CASD1: variants seen among roughly 807,000 people sequenced by gnomAD.
CASD1 encodes CAS1 domain sialic acid O acetyltransferase 1.
CASD1 carries 41 observed loss-of-function variants against 100.0 expected under a neutral mutation model. That is an observed-to-expected ratio of 0.41 (90% CI 0.32 to 0.53). The LOEUF (loss-of-function observed/expected upper bound fraction) is 0.53. Among genes scored for constraint, CASD1 ranks in the 20% least tolerant of loss-of-function variants. The probability of loss-of-function intolerance (pLI) is 0.25; values close to 1 mark genes in which losing one functional copy is unlikely to be tolerated. For synonymous variants in CASD1, 321 were observed against 315.6 expected (o/e 1.02, Z -0.18); for missense variants, 774 against 948.7 (o/e 0.82, Z 2.42).
At chr7:94,542,936 CTT>C (rs1334467303) in intron 10 of CASD1, among the ~76,000 whole-genome samples, 6 of 152,058 alleles carry the variant, frequency 3.9e-5, no homozygotes, top group Non-Finnish European at 7.4e-5. Flanking sequence ...AATAAAAACT[CTT>C]TGTTTGATAT....
intron 4 of CASD1, among the ~76,000 whole-genome samples, 163 bp downstream of exon 4, chr7:94,527,369 AT>A (rs1794628447): frequency 6.6e-6 from 1 of 152,208 alleles, no homozygotes; most frequent in Non-Finnish European, 1.5e-5. Context: ...TGGTCTCAAA[AT>A]TTTATTTGGA....
intron 10 of CASD1, among the ~76,000 whole-genome samples, chr7:94,543,249 G>A (rs1795505125): frequency 1.3e-5 from 2 of 152,150 alleles, no homozygotes; most frequent in South Asian, 2.1e-4. Flanking sequence ...CGTCCAAAAA[G>A]AAACATGAAT....
At chr7:94,542,941 T>A (rs1160685387) in intron 10 of CASD1, among the ~76,000 whole-genome samples, 1 of 152,100 alleles carries the variant, frequency 6.6e-6, no homozygotes, top group Non-Finnish European at 1.5e-5. Context: ...AAACTCTTTG[T>A]TTGATATGTA....
chr7:94,618,695 G>A, the CASD1 span: 1 of 1,387,294 alleles, frequency 7.2e-7, no homozygotes, highest in South Asian at 1.2e-5. Flanking sequence ...TCTATAATAA[G>A]TTTGATAAGA....
the CASD1 span, among the ~76,000 whole-genome samples, chr7:94,615,395 T>C: frequency 6.6e-6 from 1 of 150,838 alleles, no homozygotes; most frequent in Admixed American, 6.6e-5. Flanking sequence ...GATAGATAGA[T>C]AGATAGATAG....
chr7:94,555,577 T>A lies in CASD1; in HGVS notation c.2213T>A (p.Ile738Asn), dbSNP rs1449940592. The A allele has an allele frequency of 6.2e-7, 1 of 1,613,586 alleles. No homozygotes were observed. Among genetic ancestry groups the A allele is most frequent in the Admixed American group, 1.7e-5 (1 of 59,956 alleles). ...ATACCTGGAAACCCTATGCTCAACA[T>A]CATTGTCAGCACTTTCATATTTGTT... is the stretch of plus-strand genomic sequence containing the variant. ...VLIPGNPMLN[I>N]IVSTFIFVCV... Residue 738 changes from isoleucine to asparagine, a missense_variant, in exon 18 of 18, where the codon ATC becomes AAC. Around this residue, in one of 5 missense-constraint regions of CASD1, gnomAD observed 175 missense variants for 206.9 expected, o/e 0.85. Transcript: ENST00000297273.
At chr7:94,544,561 C>A in intron 11 of CASD1, 31 bp downstream of exon 11, 1 of 1,592,700 alleles carries the variant, frequency 6.3e-7, no homozygotes, top group Non-Finnish European at 8.5e-7. Context: ...CCTTTTCTTC[C>A]AGTTGAACAT....
In CASD1 at chr7:94,533,667, A is replaced by G. The variant is rs1196613807; in HGVS notation, c.505-12A>G. 3 of 1,580,622 alleles carry G rather than the reference A, an allele frequency of 1.9e-6. No individual in the cohort carries two copies. The African/African-American group carries it at 4.1e-5, about 22-fold the overall frequency. On this transcript the variant is annotated splice_polypyrimidine_tract_variant and intron_variant, in intron 6 of 17. Coordinates refer to ENST00000297273, the MANE Select transcript of CASD1 (RefSeq NM_022900.5). ...AATACTAAATTAATGCATAATTTGT[A>G]CTTCTTTTTAGTGGTCCATCAAGAT...
At chr7:94,603,243 G>A in the CASD1 span, 2 of 1,485,192 alleles carry the variant, frequency 1.3e-6, no homozygotes, top group African/African-American at 2.8e-5. Flanking sequence ...GTTAACTCCA[G>A]CCACATTATT....
chr7:94,574,306 C>T, the CASD1 span, among the ~76,000 whole-genome samples: 1 of 152,096 alleles, frequency 6.6e-6, no homozygotes, highest in African/African-American at 2.4e-5. Flanking sequence ...AGGAATGATA[C>T]CAGCTCTTCT....
At chr7:94,553,478 T>C (rs1245655136) in intron 16 of CASD1, among the ~76,000 whole-genome samples, 1 of 152,144 alleles carries the variant, frequency 6.6e-6, no homozygotes, top group Non-Finnish European at 1.5e-5. Context: ...CCTTCATCTT[T>C]TATGCATCCT....
chr7:94,563,349 CTT>C, the CASD1 span, among the ~76,000 whole-genome samples: 16 of 152,216 alleles, frequency 1.1e-4, no homozygotes, highest in African/African-American at 3.1e-4. Flanking sequence ...CTGGAAAACT[CTT>C]ATACATAGCT....
chr7:94,598,699 G>A, the CASD1 span: 3 of 1,038,828 alleles, frequency 2.9e-6, no homozygotes, highest in Non-Finnish European at 4.6e-6. Flanking sequence ...CACAACAACA[G>A]AAAGCTCTGT....
the CASD1 span, among the ~76,000 whole-genome samples, chr7:94,571,184 C>T: frequency 6.6e-6 from 1 of 152,096 alleles, no homozygotes; most frequent in African/African-American, 2.4e-5. Flanking sequence ...GCTGGTACCA[C>T]AGGCCCATGC....
chr7:94,592,159 T>C, the CASD1 span, among the ~76,000 whole-genome samples: 1 of 152,230 alleles, frequency 6.6e-6, no homozygotes, highest in Non-Finnish European at 1.5e-5. Context: ...TGTGAACCTG[T>C]AAGTATTAAA....
rs1793592656 is a variant in CASD1 at position 94,509,850 on chromosome 7, G to A, written c.-235G>A. On this transcript the variant is annotated 5_prime_UTR_variant, in exon 1 of 18. Coordinates refer to ENST00000297273, the MANE Select transcript of CASD1 (RefSeq NM_022900.5). Reference sequence around the variant, plus strand: ...GCGCCTGGGGAACCGGCACGGCGGAGCAGCGGCGGCGGGGCTGGGGGGAGG... The same window carrying A: ...GCGCCTGGGGAACCGGCACGGCGGAACAGCGGCGGCGGGGCTGGGGGGAGG... 5 of 1,006,748 alleles carry A rather than the reference G, an allele frequency of 5.0e-6. No homozygotes were observed. The highest frequency in any genetic ancestry group is 9.3e-5 in the South Asian group (2 of 21,398). The allele number at this position is 1,006,748 out of a possible 1,614,324, so 62.4% of individuals were successfully genotyped here.
intron 1 of CASD1, among the ~76,000 whole-genome samples, chr7:94,514,395 C>A (rs1296155104): frequency 6.6e-6 from 1 of 152,022 alleles, no homozygotes; most frequent in East Asian, 1.9e-4. Context: ...ACAAAATATT[C>A]TATGGACTAT....
chr7:94,544,442 T>C lies in CASD1; in HGVS notation c.1388T>C (p.Leu463Pro). Residue 463 changes from leucine to proline, a missense_variant, in exon 11 of 18, where the codon CTG becomes CCG. Coordinates refer to ENST00000297273, the MANE Select transcript of CASD1 (RefSeq NM_022900.5). ...CCTGTATACATGCACATTCGAGTTC[T>C]GGTTGCTGCATATTTATTTCAGACA... Reference protein sequence around the residue: ...FLPVYMHIRVLVAAYLFQTGY... With the variant: ...FLPVYMHIRVPVAAYLFQTGY... The C allele has an allele frequency of 6.2e-7, 1 of 1,613,384 alleles. No individual in the cohort carries two copies. The highest frequency in any genetic ancestry group is 1.1e-5 in the South Asian group (1 of 91,004).
the CASD1 span, among the ~76,000 whole-genome samples, chr7:94,569,180 T>C: frequency 6.6e-6 from 1 of 152,104 alleles, no homozygotes. Flanking sequence ...TATTAAAAAA[T>C]GCATATACCA....
Sources: gnomAD v4.1 joint callset for allele counts (sites outside exome capture counted in the v4.1 genomes callset) on GRCh38, gnomAD v4.1.1 for gene constraint, gnomAD v4.1.1 regional missense constraint, MANE v1.5 for transcripts, NCBI Gene and HGNC (gene_info 2026-07-23, HGNC 2026-07-21) for gene names.